XYLT1: variants seen among roughly 807,000 people sequenced by gnomAD.
XYLT1 encodes beta-D-xylosyltransferase 1.
A neutral mutation model predicts 91.3 loss-of-function variants in XYLT1; 36 were observed. The observed-to-expected ratio is 0.39, with a 90% CI of 0.30 to 0.52. The LOEUF (loss-of-function observed/expected upper bound fraction) is 0.52. Ranked by LOEUF, XYLT1 falls within the 20% of genes least tolerant of loss-of-function variation. The pLI is 0.68. For synonymous variants in XYLT1, 588 were observed against 532.0 expected, an observed-to-expected ratio of 1.11 and a Z score of -1.45; for missense variants, 1,242 against 1,284.5, an observed-to-expected ratio of 0.97 and a Z score of 0.51.
At position 17,108,879 on chromosome 16, in the gene XYLT1, C is replaced by T. The variant is rs1016839043; in HGVS notation, c.2696G>A (p.Gly899Asp). 1 of 1,611,776 alleles carries T rather than the reference C, an allele frequency of 6.2e-7. No individual in the cohort carries two copies. The highest frequency in any genetic ancestry group is 1.1e-5 in the South Asian group (1 of 90,846). ...EQARRNAAST[G>D]TALEGWLDSL... ...GTCCAGCCATCCCTCCAGCGCTGTG[C>T]CCGTGGAGGCTGCGTTCCTCCGTGC... The change falls in exon 12 of 12, where the codon GGC becomes GAC. Residue 899 changes from glycine (G) to aspartate (D), a missense_variant. Transcript: ENST00000261381.
At chr16:17,320,249 C>G (rs547419454) in intron 2 of XYLT1, among the ~76,000 whole-genome samples, 1 of 152,186 alleles carries the variant, frequency 6.6e-6, no homozygotes, top group Non-Finnish European at 1.5e-5. Flanking sequence ...TTCCAAAAAC[C>G]TAGCACAGTG....
intron 1 of XYLT1, among the ~76,000 whole-genome samples, chr16:17,414,018 T>G (rs1366175882): frequency 6.6e-6 from 1 of 152,194 alleles, no homozygotes; most frequent in African/African-American, 2.4e-5. Flanking sequence ...CCAAACTGTT[T>G]GCCCTGCCTT....
chr16:17,203,033 T>G (rs552323630), intron 3 of XYLT1, among the ~76,000 whole-genome samples: 1 of 152,292 alleles, frequency 6.6e-6, no homozygotes, highest in Admixed American at 6.5e-5. Flanking sequence ...AACCACAGCT[T>G]AGAAGAGGCC....
rs145739769 is a variant in XYLT1 at position 17,116,803 on chromosome 16, C to T, written c.2557+843G>A. On this transcript the variant is annotated intron_variant, in intron 11 of 11. Coordinates refer to ENST00000261381, the MANE Select transcript of XYLT1 (RefSeq NM_022166.4). Reference sequence around the variant, plus strand: ...CCTATTGCTCTCAGCCTTAGTAACACAGGTTCTTATCTGTCACGCATTTCC... The same window carrying T: ...CCTATTGCTCTCAGCCTTAGTAACATAGGTTCTTATCTGTCACGCATTTCC... Among the ~76,000 whole-genome samples, 4 of 152,362 alleles carry T rather than the reference C, an allele frequency of 2.6e-5. No homozygotes were observed. The East Asian group carries it at 7.7e-4, about 29-fold the overall frequency.
chr16:17,147,914 C>T (rs752339987), intron 6 of XYLT1, among the ~76,000 whole-genome samples: 1 of 152,124 alleles, frequency 6.6e-6, no homozygotes, highest in Non-Finnish European at 1.5e-5. Flanking sequence ...AGATCTGTAG[C>T]AATAAGCCCC....
chr16:17,332,334 G>A (rs180788278), intron 2 of XYLT1, among the ~76,000 whole-genome samples: 102 of 152,284 alleles, frequency 6.7e-4, no homozygotes, highest in African/African-American at 2.4e-3. Context: ...GGCTGAAGCG[G>A]GCAGATCACT....
intron 3 of XYLT1, among the ~76,000 whole-genome samples, chr16:17,244,497 C>A (rs150378693): frequency 0.013 from 1,945 of 152,280 alleles, 23 homozygotes; most frequent in Admixed American, 0.027. Flanking sequence ...CCAATACAGG[C>A]TTTTCACAGG....
chr16:17,281,415 T>G (rs2034057023), intron 2 of XYLT1, among the ~76,000 whole-genome samples: 1 of 152,176 alleles, frequency 6.6e-6, no homozygotes, highest in South Asian at 2.1e-4. Flanking sequence ...GTAAACTGAG[T>G]GTGCTGGGTG....
chr16:17,443,444 T>C (rs2141943520), intron 1 of XYLT1, among the ~76,000 whole-genome samples: 1 of 152,282 alleles, frequency 6.6e-6, no homozygotes. Context: ...CGAGATCTGA[T>C]GGTTTAAAAC....
At chr16:17,448,105 C>T (rs549162554) in intron 1 of XYLT1, among the ~76,000 whole-genome samples, 41 of 152,366 alleles carry the variant, frequency 2.7e-4, no homozygotes, top group East Asian at 1.3e-3. Context: ...TGGTGGCTCA[C>T]ACCTGTAATC....
chr16:17,335,059 A>G (rs924280370), intron 2 of XYLT1, among the ~76,000 whole-genome samples: 1 of 151,586 alleles, frequency 6.6e-6, no homozygotes, highest in African/African-American at 2.4e-5. Flanking sequence ...CCCCATGTCT[A>G]CTCAAAAATA....
At chr16:17,390,857 G>A (rs951907933) in intron 1 of XYLT1, among the ~76,000 whole-genome samples, 5 of 152,036 alleles carry the variant, frequency 3.3e-5, no homozygotes, top group Non-Finnish European at 5.9e-5. Flanking sequence ...GCAACATGAC[G>A]AAACTCCCGT....
intron 1 of XYLT1, among the ~76,000 whole-genome samples, chr16:17,368,200 GCT>G (rs1199993556): frequency 6.6e-6 from 1 of 152,162 alleles, no homozygotes; most frequent in Non-Finnish European, 1.5e-5. Flanking sequence ...CCAGGCTACA[GCT>G]CGGGATGTAG....
At chr16:17,437,974 A>G (rs549989178) in intron 1 of XYLT1, among the ~76,000 whole-genome samples, 1 of 152,322 alleles carries the variant, frequency 6.6e-6, no homozygotes, top group South Asian at 2.1e-4. Context: ...CCAAAATTAC[A>G]AACTATCAGA....
intron 5 of XYLT1, among the ~76,000 whole-genome samples, chr16:17,194,437 C>T (rs1316762357): frequency 2.0e-5 from 3 of 152,182 alleles, no homozygotes; most frequent in South Asian, 2.1e-4. Flanking sequence ...GGGCTTAATG[C>T]GGGCCCCCAA....
chr16:17,184,145 A>C (rs1389234166), intron 5 of XYLT1, among the ~76,000 whole-genome samples: 1 of 149,402 alleles, frequency 6.7e-6, no homozygotes, highest in African/African-American at 2.5e-5. Flanking sequence ...GATACCGTCC[A>C]TACTCTTGGC....
intron 1 of XYLT1, among the ~76,000 whole-genome samples, chr16:17,465,556 T>TG (rs68156050): frequency 0.011 from 1,053 of 99,738 alleles, 21 homozygotes; most frequent in Non-Finnish European, 0.02. Flanking sequence ...TGTTTTTTTT[T>TG]GGGGGGGGGG....
intron 3 of XYLT1, 35 bp from the exon 4 acceptor site, chr16:17,200,689 T>A (rs2032525320): frequency 6.3e-7 from 1 of 1,598,666 alleles, no homozygotes; most frequent in African/African-American, 1.3e-5. Flanking sequence ...GAGGAGAAAG[T>A]GAGGCTCTGC....
chr16:17,337,409 T>C (rs998721447), intron 2 of XYLT1, among the ~76,000 whole-genome samples: 1 of 152,138 alleles, frequency 6.6e-6, no homozygotes, highest in Non-Finnish European at 1.5e-5. Context: ...GGTCTCAAAC[T>C]CTAGGGCTCA....
Sources: allele counts gnomAD v4.1 joint callset (sites outside exome capture counted in the v4.1 genomes callset), GRCh38; gene constraint gnomAD v4.1.1; transcripts MANE v1.5; gene names NCBI Gene and HGNC (gene_info 2026-07-23, HGNC 2026-07-21).